INTS1: variants seen among roughly 807,000 people sequenced by gnomAD.
INTS1 encodes integrator complex subunit 1.
A neutral mutation model predicts 241.6 loss-of-function variants in INTS1; 137 were observed. The observed-to-expected ratio is 0.57, with a 90% CI of 0.49 to 0.65. The LOEUF (loss-of-function observed/expected upper bound fraction) is 0.65. Among genes scored for constraint, INTS1 ranks in the 30% least tolerant of loss-of-function variants. INTS1 has a pLI of 0.00. For synonymous variants in INTS1, 1,692 were observed against 1,337.8 expected (o/e 1.26, Z -5.78); for missense variants, 3,073 against 3,032.2 (o/e 1.01, Z -0.32).
Position 1,482,564 on chromosome 7 carries a change from G to A in INTS1, c.3685C>T (p.Leu1229Phe), listed in dbSNP as rs199767054. The change falls in exon 27 of 48, where the codon CTC becomes TTC. Residue 1229 changes from leucine to phenylalanine, a missense_variant. Coordinates refer to ENST00000404767, the MANE Select transcript of INTS1 (RefSeq NM_001080453.3). ...LKLRMIRSEV[L>F]RLVDAALQDL... Reference sequence around the variant, plus strand: ...ACCGTACCGGCGTCCACCAGGCGGAGCACCTCAGAACGGATCATGCGCAGC... The same window carrying A: ...ACCGTACCGGCGTCCACCAGGCGGAACACCTCAGAACGGATCATGCGCAGC... 32 of 1,605,374 alleles carry A rather than the reference G, an allele frequency of 2.0e-5. No homozygotes were observed. The Admixed American group carries it at 4.0e-4, about 20-fold the overall frequency.
At chr7:1,478,582 C>T (rs1281717142) in intron 32 of INTS1, 76 bp from the exon 33 acceptor site, 8 of 1,544,180 alleles carry the variant, frequency 5.2e-6, no homozygotes, top group Non-Finnish European at 5.3e-6. Context: ...GGAGGCCCCA[C>T]GGTAGAAGGG....
At chr7:1,482,020 CG>C (rs1279552642) in intron 27 of INTS1, among the ~76,000 whole-genome samples, 1 of 152,128 alleles carries the variant, frequency 6.6e-6, no homozygotes, top group African/African-American at 2.4e-5. Context: ...CGGTGGCTTC[CG>C]GGGGCACACA....
intron 41 of INTS1, among the ~76,000 whole-genome samples, 164 bp from the exon 42 acceptor site, chr7:1,473,857 C>T (rs1781588262): frequency 6.6e-6 from 1 of 152,264 alleles, no homozygotes; most frequent in Non-Finnish European, 1.5e-5. Flanking sequence ...CCGGCATGGC[C>T]TGTCAGGGTG....
At chr7:1,483,940 T>A in intron 25 of INTS1, 63 bp downstream of exon 25, 1 of 1,587,974 alleles carries the variant, frequency 6.3e-7, no homozygotes. Context: ...GAGCGTGCCG[T>A]GCAGCCTCAC....
chr7:1,470,983 A>G, intron 46 of INTS1, 28 bp from the exon 47 acceptor site: 1 of 1,535,566 alleles, frequency 6.5e-7, no homozygotes, highest in Non-Finnish European at 8.8e-7. Flanking sequence ...TTCAGTGGGA[A>G]CCTCCACCCT....
chr7:1,487,583 C>A, intron 19 of INTS1, 134 bp from the exon 20 acceptor site: 1 of 1,311,690 alleles, frequency 7.6e-7, no homozygotes, highest in Non-Finnish European at 1.0e-6. Context: ...CTGGGATGTC[C>A]CCAAGGCCTG....
Position 1,478,712 on chromosome 7 carries a change from G to A in INTS1, c.4489+14C>T, listed in dbSNP as rs773397391. 3.0e-5 allele frequency: 46 copies of A among 1,545,614 alleles called. No homozygotes were observed. Among genetic ancestry groups the A allele is most frequent in the African/African-American group, 2.6e-4 (19 of 73,304 alleles). ...GTGCCCCCCAGCCGTCTGCCAGCCC[G>A]GCGCGGTCCTCACCATCACTGAGCC... On this transcript the variant is annotated intron_variant, in intron 32 of 47. Coordinates refer to ENST00000404767, the MANE Select transcript of INTS1 (RefSeq NM_001080453.3).
intron 8 of INTS1, 32 bp downstream of exon 8, chr7:1,498,943 G>GGCCCCCCCCCCCCCCCCC: frequency 9.3e-7 from 1 of 1,070,736 alleles, no homozygotes; most frequent in Non-Finnish European, 1.3e-6. Flanking sequence ...CCCACCCCCT[G>GGCCCCCCCCCCCCCCCCC]CCCCGCCCAC....
intron 35 of INTS1, 124 bp from the exon 36 acceptor site, chr7:1,477,042 A>G: frequency 8.1e-7 from 1 of 1,231,308 alleles, no homozygotes. Flanking sequence ...TGCCGGTAAC[A>G]CCGGCCCCGT....
chr7:1,472,240 G>T, intron 44 of INTS1, 33 bp downstream of exon 44: 1 of 1,490,682 alleles, frequency 6.7e-7, no homozygotes, highest in South Asian at 1.2e-5. Flanking sequence ...CCAGGGCGCT[G>T]ACCTGGCGTG....
Position 1,476,833 on chromosome 7 carries a change from T to TG in INTS1, c.5023dup (p.Gln1675ProfsTer100). 1 of 1,612,976 alleles carries TG rather than the reference T, an allele frequency of 6.2e-7. No individual in the cohort carries two copies. The highest frequency in any genetic ancestry group is 8.5e-7 in the Non-Finnish European group (1 of 1,179,850). ...CTTGCCCAGCAGGACTCGGATGCACTGGTGCAGTGTGGGCCAGCTGGACTG... is the reference window on the plus strand; with the variant it reads ...CTTGCCCAGCAGGACTCGGATGCACTGGGTGCAGTGTGGGCCAGCTGGACTG... On this transcript the variant is annotated frameshift_variant, in exon 36 of 48. Transcript: ENST00000404767. LOFTEE classifies it high-confidence loss of function.
intron 29 of INTS1, 104 bp downstream of exon 29, chr7:1,480,731 G>C (rs1393119057): frequency 1.1e-6 from 1 of 928,232 alleles, no homozygotes; most frequent in Non-Finnish European, 1.6e-6. Context: ...GCACTGCCCT[G>C]TGTGGCTGTG....
Position 1,500,345 on chromosome 7 carries a change from T to C in INTS1, c.371A>G (p.Asp124Gly). Residue 124 changes from aspartate (D) to glycine (G), a missense_variant, in exon 4 of 48, where the codon GAT (aspartate) becomes GGT (glycine). Transcript: ENST00000404767. ...CTCCAGCTCGGCCGCCTCGATCTCATCCAGCAGCACCGTGGGCAGCACTGG... is the reference window on the plus strand; with the variant it reads ...CTCCAGCTCGGCCGCCTCGATCTCACCCAGCAGCACCGTGGGCAGCACTGG... ...PIEVLPTVLL[D>G]EIEAAELEGN... 3.2e-6 allele frequency: 5 copies of C among 1,582,238 alleles called. No individual in the cohort carries two copies. Among genetic ancestry groups the C allele is most frequent in the Non-Finnish European group, 4.3e-6 (5 of 1,162,674 alleles).
chr7:1,481,204 TA>T lies in INTS1; in HGVS notation c.3850+137del. 9.9e-7 allele frequency: 1 copy of T among 1,010,956 alleles called. No homozygotes were observed. The highest frequency in any genetic ancestry group is 1.5e-6 in the Non-Finnish European group (1 of 665,938). The allele number at this position is 1,010,956 out of a possible 1,614,324, so 62.6% of individuals were successfully genotyped here. The stretch of plus-strand genomic sequence containing the variant: ...TGCCAGCCTCACCAACCCACAGGTC[TA>T]AGCCTGCCCTCGAGTGCCACCCACA... On this transcript the variant is annotated intron_variant, in intron 28 of 47. Coordinates refer to ENST00000404767, the MANE Select transcript of INTS1 (RefSeq NM_001080453.3). The surrounding 1 kb of genome is among the most constrained non-coding windows in gnomAD (Gnocchi z 6.8).
Position 1,499,061 on chromosome 7 carries a change from G to C in INTS1, c.1051C>G (p.Leu351Val). The stretch of plus-strand genomic sequence containing the variant: ...CCGCAGGTGGAGGTGAGGAGCCGCA[G>C]GAGGTTCCTGGAGACGTTGTCGATG... ...QPIDNVSRNL[L>V]RLLTSTCGYK... The change falls in exon 8 of 48, where the codon CTG becomes GTG. Residue 351 changes from leucine (L) to valine (V), a missense_variant. Leu to Val is a conservative substitution (Grantham distance 32). Coordinates refer to ENST00000404767, the MANE Select transcript of INTS1 (RefSeq NM_001080453.3). 3 of 1,603,200 alleles carry C rather than the reference G, an allele frequency of 1.9e-6. No individual in the cohort carries two copies. The highest frequency in any genetic ancestry group is 2.6e-6 in the Non-Finnish European group (3 of 1,176,176).
chr7:1,489,763 G>T, intron 16 of INTS1, 81 bp from the exon 17 acceptor site: 1 of 1,035,504 alleles, frequency 9.7e-7, no homozygotes, highest in Non-Finnish European at 1.4e-6. Flanking sequence ...TGGCAAAGCT[G>T]GGGCAGGGAC....
rs1156580350 is a variant in INTS1 at position 1,481,180 on chromosome 7, G to A, written c.3850+162C>T. ...CAGGCCTCGGCTCCCTCCTGACTGT[G>A]CCAGCCTCACCAACCCACAGGTCTA... On this transcript the variant is annotated intron_variant, in intron 28 of 47. Transcript: ENST00000404767. The surrounding 1 kb of genome is among the most constrained non-coding windows in gnomAD (Gnocchi z 6.8). 1.7e-5 allele frequency: 15 copies of A among 870,618 alleles called. No homozygotes were observed. In the South Asian group the frequency reaches 1.9e-4, roughly 11 times the overall value. The allele number at this position is 870,618 out of a possible 1,614,324, so 53.9% of individuals were successfully genotyped here.
At chr7:1,473,003 G>A (rs1004480237) in intron 43 of INTS1, 69 bp downstream of exon 43, 77 of 1,032,306 alleles carry the variant, frequency 7.5e-5, no homozygotes, top group Non-Finnish European at 9.8e-5. Context: ...CTGGCTGTGC[G>A]CTGGGAAAAC....
Position 1,471,642 on chromosome 7 carries a change from C to G in INTS1, c.6185-1G>C. 1.2e-6 allele frequency: 2 copies of G among 1,612,106 alleles called. No homozygotes were observed. Among genetic ancestry groups the G allele is most frequent in the East Asian group, 4.5e-5 (2 of 44,872 alleles). The stretch of plus-strand genomic sequence containing the variant: ...ATGTCACTCAGAACCTCCAGCAGAT[C>G]TGACACAGAGAGAGGGCCAGACCAG... On this transcript the variant is annotated splice_acceptor_variant, in intron 44 of 47. Transcript: ENST00000404767. LOFTEE classifies it high-confidence loss of function.
Sources: allele counts gnomAD v4.1 joint callset (sites outside exome capture counted in the v4.1 genomes callset), GRCh38; gene constraint gnomAD v4.1.1; non-coding constraint Gnocchi (gnomAD v3.1); transcripts MANE v1.5; gene names NCBI Gene and HGNC (gene_info 2026-07-23, HGNC 2026-07-21).